Variants in HERC3 observed in about 807,000 individuals in gnomAD.
The protein encoded by HERC3 is HECT and RLD domain containing E3 ubiquitin protein ligase 3, also known as probable E3 ubiquitin-protein ligase HERC3.
In HERC3, 58 loss-of-function variants were observed where a neutral mutation model predicts 129.9. The observed-to-expected ratio is 0.45, with a 90% CI of 0.36 to 0.56. HERC3 has a LOEUF of 0.56. Ranked by LOEUF, HERC3 falls within the 20% of genes least tolerant of loss-of-function variation. The pLI is 0.00. For synonymous variants in HERC3, 430 were observed against 451.0 expected, an observed-to-expected ratio of 0.95 and a Z score of 0.59; for missense variants, 835 against 1,244.2, an observed-to-expected ratio of 0.67 and a Z score of 4.95.
chr4:88,669,822 A>T, intron 14 of HERC3, 38 bp from the exon 15 acceptor site: 4 of 1,571,616 alleles, frequency 2.5e-6, no homozygotes, highest in Non-Finnish European at 3.5e-6. Context: ...CTTGCCCAAG[A>T]TTACATGTTG....
intron 14 of HERC3, chr4:88,668,424 G>C (rs372860619): frequency 3.9e-6 from 1 of 254,520 alleles, no homozygotes; most frequent in Non-Finnish European, 7.6e-6. Context: ...TCTAATTTAG[G>C]GGGTGGGAGT....
In HERC3 at chr4:88,704,156, T is replaced by A; in HGVS notation, c.2716T>A (p.Tyr906Asn). The A allele has an allele frequency of 6.2e-7, 1 of 1,614,212 alleles. No homozygotes were observed. ...YVFQISVHEW[Y>N]TAFSSGFLKV... ...CTTCCAAATCTCAGTTCATGAATGG[T>A]ACACAGCCTTCTCTAGTGGCTTCCT... Residue 906 changes from tyrosine to asparagine, a missense_variant, in exon 24 of 26, where the codon TAC (tyrosine) becomes AAC (asparagine). Tyr to Asn is a moderately radical substitution (Grantham distance 143). Coordinates refer to ENST00000402738, the MANE Select transcript of HERC3 (RefSeq NM_014606.3).
chr4:88,605,631 A>G (rs982992090), intron 2 of HERC3, among the ~76,000 whole-genome samples, 164 bp from the exon 3 acceptor site: 1 of 152,234 alleles, frequency 6.6e-6, no homozygotes, highest in Non-Finnish European at 1.5e-5. Flanking sequence ...CATCATTATA[A>G]CATAACTGCT....
rs367670493 is a variant in HERC3, at chr4:88,663,173, T to G, written c.1271+618T>G. 1.1e-4 allele frequency among the ~76,000 whole-genome samples: 16 copies of G among 152,286 alleles called. No individual in the cohort carries two copies. The South Asian group carries it at 2.9e-3, about 28-fold the overall frequency. On this transcript the variant is annotated intron_variant, in intron 11 of 25. Transcript: ENST00000402738. The stretch of plus-strand genomic sequence containing the variant: ...TCAAGCTCTGTGCACTAAGTTGTGG[T>G]TATTCCCAGAAACGTACATAATGGT...
intron 3 of HERC3, among the ~76,000 whole-genome samples, chr4:88,643,278 C>T (rs986572289): frequency 1.3e-5 from 2 of 152,028 alleles, no homozygotes; most frequent in African/African-American, 4.8e-5. Context: ...GGATTAAGGC[C>T]CTTAACGTAT....
At chr4:88,539,897 A>G in the HERC3 span, among the ~76,000 whole-genome samples, 5 of 152,218 alleles carry the variant, frequency 3.3e-5, no homozygotes, top group African/African-American at 1.2e-4. Context: ...CATCAACATC[A>G]ACAAAAAGGA....
At chr4:88,593,780 T>C (rs1171752881) in intron 1 of HERC3, among the ~76,000 whole-genome samples, 1 of 152,176 alleles carries the variant, frequency 6.6e-6, no homozygotes, top group Non-Finnish European at 1.5e-5. Context: ...AACTCTAGAC[T>C]TGAGAGAAAT....
rs1286074286 is a variant in HERC3, at chr4:88,605,800, A to G, written c.-24A>G. The G allele has an allele frequency of 1.9e-6, 3 of 1,589,264 alleles. No individual in the cohort carries two copies. Among genetic ancestry groups the G allele is most frequent in the South Asian group, 1.1e-5 (1 of 90,548 alleles). On this transcript the variant is annotated 5_prime_UTR_variant, in exon 3 of 26. The change abolishes an upstream ATG in the 5' untranslated region. Coordinates refer to ENST00000402738, the MANE Select transcript of HERC3 (RefSeq NM_014606.3). The stretch of plus-strand genomic sequence containing the variant: ...TTTTTTAAACTCTCTCCTAGGCTAC[A>G]TGATTCCCTGAAAGATAAGAACAAT...
At chr4:88,643,407 G>A (rs1057293602) in intron 3 of HERC3, among the ~76,000 whole-genome samples, 2 of 152,064 alleles carry the variant, frequency 1.3e-5, no homozygotes, top group African/African-American at 4.8e-5. Context: ...TGTTTATATG[G>A]GAAGGTAAAG....
At chr4:88,606,494 G>C (rs1351528807) in intron 3 of HERC3, among the ~76,000 whole-genome samples, 3 of 152,080 alleles carry the variant, frequency 2.0e-5, no homozygotes, top group African/African-American at 7.2e-5. Flanking sequence ...TTCAGAGTTA[G>C]AATAAAATAG....
chr4:88,697,321 T>G, intron 23 of HERC3: 2 of 1,613,456 alleles, frequency 1.2e-6, no homozygotes, highest in Non-Finnish European at 1.7e-6. Flanking sequence ...CTCGTCATCC[T>G]CGTACTCCTC....
chr4:88,625,836 A>ATT (rs147382274), intron 3 of HERC3, among the ~76,000 whole-genome samples: 1 of 151,462 alleles, frequency 6.6e-6, no homozygotes, highest in Admixed American at 6.6e-5. Context: ...ATATTTAGTG[A>ATT]TTTTTTTTTA....
At chr4:88,646,337 A>G (rs1302864169) in intron 3 of HERC3, among the ~76,000 whole-genome samples, 1 of 152,238 alleles carries the variant, frequency 6.6e-6, no homozygotes, top group African/African-American at 2.4e-5. Context: ...AAGTAGAACT[A>G]ACCCTAATAA....
chr4:88,531,666 C>T, the HERC3 span, among the ~76,000 whole-genome samples: 1 of 152,182 alleles, frequency 6.6e-6, no homozygotes, highest in Admixed American at 6.5e-5. Context: ...ATTTTCCAGA[C>T]TCCTTTATAG....
At chr4:88,645,093 TCC>T (rs1173531102) in intron 3 of HERC3, among the ~76,000 whole-genome samples, 1 of 152,100 alleles carries the variant, frequency 6.6e-6, no homozygotes, top group Non-Finnish European at 1.5e-5. Context: ...ACAGTGTATC[TCC>T]ATCACCCAGA....
At chr4:88,693,754 G>A (rs926856722) in intron 23 of HERC3, 57 of 868,494 alleles carry the variant, frequency 6.6e-5, no homozygotes, top group Admixed American at 3.7e-4. Flanking sequence ...AGTAAGCATC[G>A]GCATGCCAGT....
intron 3 of HERC3, among the ~76,000 whole-genome samples, chr4:88,620,554 C>G (rs1167943026): frequency 6.6e-6 from 1 of 152,178 alleles, no homozygotes; most frequent in African/African-American, 2.4e-5. Flanking sequence ...TCTCATACCT[C>G]TTCTACCCCT....
Position 88,670,043 on chromosome 4 carries a change from G to A in HERC3, c.1797+20G>A, listed in dbSNP as rs1409949544. 6.2e-7 allele frequency: 1 copy of A among 1,611,548 alleles called. No homozygotes were observed. The highest frequency in any genetic ancestry group is 1.7e-5 in the Admixed American group (1 of 59,996). ...TATAAGGTGAGCATAGGAGGTGCTA[G>A]TGGGGAGGGGGTGATTAGATGGTAG... On this transcript the variant is annotated intron_variant, in intron 15 of 25. Coordinates refer to ENST00000402738, the MANE Select transcript of HERC3 (RefSeq NM_014606.3).
chr4:88,649,816 C>A, intron 3 of HERC3, 24 bp from the exon 4 acceptor site: 1 of 1,606,582 alleles, frequency 6.2e-7, no homozygotes, highest in South Asian at 1.1e-5. Flanking sequence ...TGTACATTTT[C>A]CTCCTCCAAT....
Sources: allele counts gnomAD v4.1 joint callset (sites outside exome capture counted in the v4.1 genomes callset), GRCh38; gene constraint gnomAD v4.1.1; transcripts MANE v1.5; gene names NCBI Gene and HGNC (gene_info 2026-07-23, HGNC 2026-07-21).